Variants in NAV2 observed in about 807,000 individuals in gnomAD.
The protein encoded by NAV2 is neuron navigator 2, also known as helicase, APC down-regulated 1.
A neutral mutation model predicts 223.2 loss-of-function variants in NAV2; 54 were observed. The ratio of observed to expected loss-of-function variants is 0.24; its 90% CI spans 0.19 to 0.30. The LOEUF (loss-of-function observed/expected upper bound fraction) is 0.30, where lower values mean the gene tolerates loss of function less well. NAV2 is among the 10% of genes least tolerant of loss of function. NAV2 has a pLI of 1.00. For synonymous variants in NAV2, 1,279 were observed against 1,239.3 expected (o/e 1.03, Z -0.67); for missense variants, 2,806 against 3,147.5 (o/e 0.89, Z 2.60).
At chr11:19,390,675 A>G (rs922373547) in intron 1 of NAV2, among the ~76,000 whole-genome samples, 3 of 152,140 alleles carry the variant, frequency 2.0e-5, no homozygotes, top group Non-Finnish European at 4.4e-5. Flanking sequence ...GCTATGAGGA[A>G]AGTATAGTAG....
intron 1 of NAV2, among the ~76,000 whole-genome samples, chr11:19,665,551 T>A (rs4757836): frequency 0.12 from 18,821 of 152,188 alleles, 2,195 homozygotes; most frequent in African/African-American, 0.31. Flanking sequence ...ATTAATATTT[T>A]TCTGGAAGAG....
At chr11:19,981,960 G>A (rs1291123814) in intron 10 of NAV2, among the ~76,000 whole-genome samples, 2 of 152,128 alleles carry the variant, frequency 1.3e-5, no homozygotes, top group African/African-American at 4.8e-5. Flanking sequence ...ACAGCCCTAT[G>A]GCTGTGTCTT....
At chr11:19,645,120 G>T (rs1046779180) in intron 1 of NAV2, among the ~76,000 whole-genome samples, 5 of 152,228 alleles carry the variant, frequency 3.3e-5, no homozygotes, top group Admixed American at 2.0e-4. Flanking sequence ...AAATCAAGGT[G>T]TCGAAAGGTC....
At chr11:19,428,937 G>A (rs1470379926) in intron 1 of NAV2, among the ~76,000 whole-genome samples, 1 of 152,190 alleles carries the variant, frequency 6.6e-6, no homozygotes, top group African/African-American at 2.4e-5. Flanking sequence ...CAAAGGTAAG[G>A]TTAGAAACGC....
At chr11:19,938,274 C>T (rs1320219764) in intron 7 of NAV2, among the ~76,000 whole-genome samples, 1 of 152,084 alleles carries the variant, frequency 6.6e-6, no homozygotes, top group Admixed American at 6.5e-5. Context: ...AATGAAAGAT[C>T]GTGTGGGGAG....
intron 2 of NAV2, 24 bp downstream of exon 2, chr11:19,832,625 G>T (rs764706689): frequency 1.3e-6 from 2 of 1,593,676 alleles, no homozygotes; most frequent in Non-Finnish European, 1.7e-6. Flanking sequence ...TTACCTTGGG[G>T]GTAATGAGTT....
chr11:19,834,673 G>A lies in NAV2; in HGVS notation c.385+2072G>A, dbSNP rs2060138648. 2.6e-5 allele frequency among the ~76,000 whole-genome samples: 4 copies of A among 151,866 alleles called. No individual in the cohort carries two copies. In the South Asian group the frequency reaches 8.3e-4, roughly 32 times the overall value. ...TGTGGGCCTACTTTGACTGAGTTTT[G>A]CAGCTGTGCAGAGTGTTTCTACCTG... On this transcript the variant is annotated intron_variant, in intron 2 of 37. Coordinates refer to ENST00000349880, the MANE Select transcript of NAV2 (RefSeq NM_145117.5).
At chr11:19,487,171 G>C (rs1179665989) in intron 1 of NAV2, among the ~76,000 whole-genome samples, 2 of 152,216 alleles carry the variant, frequency 1.3e-5, no homozygotes, top group Non-Finnish European at 2.9e-5. Context: ...GTCTGAAGCA[G>C]AGAGAGGATG....
At chr11:20,056,063 C>A in intron 19 of NAV2, 106 bp downstream of exon 19, 1 of 1,083,044 alleles carries the variant, frequency 9.2e-7, no homozygotes, top group Non-Finnish European at 1.3e-6. Context: ...ACCTGAGAGC[C>A]CACCTATAAG....
chr11:19,379,352 C>T lies in NAV2; in HGVS notation c.75+28325C>T, dbSNP rs1171178275. ...TAATATTTAGAGAATAAGAGCAAGG[C>T]CTATTACTTGGGAGCAAGGGGGTGG... On this transcript the variant is annotated intron_variant, in intron 1 of 37. Transcript: ENST00000360655. Among the ~76,000 whole-genome samples the T allele has an allele frequency of 3.3e-5, 5 of 152,172 alleles. No individual in the cohort carries two copies. The East Asian group carries it at 9.7e-4, about 29-fold the overall frequency.
intron 1 of NAV2, among the ~76,000 whole-genome samples, chr11:19,419,979 G>A (rs1324267775): frequency 2.0e-5 from 3 of 152,198 alleles, no homozygotes; most frequent in African/African-American, 7.2e-5. Context: ...AATAGCAGTG[G>A]CAGTTCTTTC....
chr11:19,774,078 C>T (rs1005815478), intron 1 of NAV2, among the ~76,000 whole-genome samples: 4 of 152,224 alleles, frequency 2.6e-5, no homozygotes, highest in Non-Finnish European at 5.9e-5. Context: ...TGCTATTCCA[C>T]CTTCCTGAGA....
chr11:19,550,480 C>T (rs12289159), intron 1 of NAV2, among the ~76,000 whole-genome samples: 9,026 of 152,226 alleles, frequency 0.059, 958 homozygotes, highest in African/African-American at 0.21. Context: ...CTGAGGCCCA[C>T]AGAGGTCAAG....
chr11:19,910,724 G>T (rs1402739695), intron 6 of NAV2, among the ~76,000 whole-genome samples: 1 of 152,100 alleles, frequency 6.6e-6, no homozygotes, highest in Non-Finnish European at 1.5e-5. Context: ...CAGGCGTGGT[G>T]GTATGTGCCT....
At chr11:19,568,988 G>C (rs1177505511) in intron 1 of NAV2, among the ~76,000 whole-genome samples, 1 of 152,198 alleles carries the variant, frequency 6.6e-6, no homozygotes. Flanking sequence ...TTCAGGTGCT[G>C]AGCACAGAAT....
At chr11:19,726,936 G>A (rs1167944999) in intron 1 of NAV2, among the ~76,000 whole-genome samples, 3 of 152,196 alleles carry the variant, frequency 2.0e-5, no homozygotes, top group African/African-American at 7.2e-5. Flanking sequence ...CTGTCTGGAG[G>A]CACAGGCCCA....
At chr11:19,884,779 TGTG>T (rs1252517361) in intron 5 of NAV2, among the ~76,000 whole-genome samples, 5 of 93,096 alleles carry the variant, frequency 5.4e-5, no homozygotes, top group Middle Eastern at 5.7e-3. Context: ...TCTTGTGCTT[TGTG>T]TTGTTGTTGT....
At chr11:20,066,187 G>T (rs898119524) in intron 20 of NAV2, among the ~76,000 whole-genome samples, 8 of 152,218 alleles carry the variant, frequency 5.3e-5, no homozygotes, top group African/African-American at 1.9e-4. Context: ...CAGAATGCAG[G>T]CAACACAAGG....
intron 1 of NAV2, among the ~76,000 whole-genome samples, chr11:19,566,574 GT>G: frequency 6.6e-6 from 1 of 152,332 alleles, no homozygotes; most frequent in African/African-American, 2.4e-5. Context: ...AGCCACCCCT[GT>G]GCCTGAGACA....
Sources: gnomAD v4.1 joint callset for allele counts (sites outside exome capture counted in the v4.1 genomes callset) on GRCh38, gnomAD v4.1.1 for gene constraint, MANE v1.5 for transcripts, NCBI Gene and HGNC (gene_info 2026-07-23, HGNC 2026-07-21) for gene names.